DSCAML1: variants seen among roughly 807,000 people sequenced by gnomAD.
DSCAML1 encodes DS cell adhesion molecule like 1.
In DSCAML1, 38 loss-of-function variants were observed where a neutral mutation model predicts 200.5. The ratio of observed to expected loss-of-function variants is 0.19; its 90% CI spans 0.15 to 0.25. DSCAML1 has a LOEUF of 0.25. Among genes scored for constraint, DSCAML1 ranks in the 10% least tolerant of loss-of-function variants. The probability of loss-of-function intolerance (pLI) is 1.00; values close to 1 mark genes in which losing one functional copy is unlikely to be tolerated. For synonymous variants in DSCAML1, 1,215 were observed against 1,165.0 expected, an observed-to-expected ratio of 1.04 and a Z score of -0.87; for missense variants, 2,223 against 2,858.8, an observed-to-expected ratio of 0.78 and a Z score of 5.07.
chr11:117,592,865 C>T (rs535658431), intron 3 of DSCAML1, among the ~76,000 whole-genome samples: 2 of 152,354 alleles, frequency 1.3e-5, no homozygotes, highest in East Asian at 3.9e-4. Flanking sequence ...CTGCACTGAA[C>T]GCTGCCCCAG....
intron 3 of DSCAML1, among the ~76,000 whole-genome samples, chr11:117,758,645 G>T (rs566156184): frequency 6.3e-4 from 96 of 152,068 alleles, no homozygotes; most frequent in African/African-American, 2.2e-3. Flanking sequence ...CTCGTGATCC[G>T]CCCACCTCGG....
intron 3 of DSCAML1, among the ~76,000 whole-genome samples, chr11:117,736,943 G>A (rs939625503): frequency 1.3e-5 from 2 of 152,152 alleles, no homozygotes; most frequent in African/African-American, 4.8e-5. Context: ...TCTGTGAAGT[G>A]GGGGTAATGA....
intron 1 of DSCAML1, among the ~76,000 whole-genome samples, chr11:117,802,850 T>G (rs2055673884): frequency 6.6e-6 from 1 of 152,186 alleles, no homozygotes; most frequent in Non-Finnish European, 1.5e-5. Flanking sequence ...ATTATATAGA[T>G]GAAGACACAA....
intron 3 of DSCAML1, among the ~76,000 whole-genome samples, chr11:117,547,442 C>T (rs1180004172): frequency 2.0e-5 from 3 of 152,212 alleles, no homozygotes; most frequent in South Asian, 2.1e-4. Context: ...TTCTAAGGCG[C>T]GGCCCCACCC....
intron 3 of DSCAML1, among the ~76,000 whole-genome samples, chr11:117,757,186 G>A: frequency 6.6e-6 from 1 of 152,080 alleles, no homozygotes; most frequent in East Asian, 1.9e-4. Flanking sequence ...ACTTTGCCAA[G>A]GTACCTACAC....
chr11:117,747,124 C>G (rs1377054901), intron 3 of DSCAML1, among the ~76,000 whole-genome samples: 1 of 152,196 alleles, frequency 6.6e-6, no homozygotes, highest in African/African-American at 2.4e-5. Flanking sequence ...ACCGCCCTCT[C>G]CCTCCCTTGC....
rs58743801 is a variant in DSCAML1, at chr11:117,806,899, T to A, written c.-250+10491A>T. On this transcript the variant is annotated intron_variant, in intron 1 of 2. Transcript: ENST00000525836. ...AGTTGACTCATGGCCAGTTTTTTGT[T>A]TCATCTATGCTCCCCTCCCATCACC... is the stretch of plus-strand genomic sequence containing the variant. Among the ~76,000 whole-genome samples the A allele has an allele frequency of 6.3e-3, 953 of 152,370 alleles. 5 individuals carry two copies. The highest frequency in any genetic ancestry group is 0.021 in the African/African-American group (886 of 41,584).
rs555776217 is a variant in DSCAML1 at position 117,568,804 on chromosome 11, T to C, written c.512-36282A>G. Among the ~76,000 whole-genome samples, 553 of 152,234 alleles carry C rather than the reference T, an allele frequency of 3.6e-3. 4 individuals carry two copies. Among genetic ancestry groups the C allele is most frequent in the African/African-American group, 0.013 (532 of 41,544 alleles). On this transcript the variant is annotated intron_variant, in intron 3 of 32. Coordinates refer to ENST00000651296, the MANE Select transcript of DSCAML1 (RefSeq NM_020693.4). Reference sequence around the variant, plus strand: ...AAAATGGCCATACTGCCCAAGGTAATTTACAGATTCAATGCCATCACCATC... The same window carrying C: ...AAAATGGCCATACTGCCCAAGGTAACTTACAGATTCAATGCCATCACCATC...
intron 3 of DSCAML1, among the ~76,000 whole-genome samples, chr11:117,725,004 AAGGCT>A (rs2054100380): frequency 6.6e-6 from 1 of 152,170 alleles, no homozygotes; most frequent in African/African-American, 2.4e-5. Flanking sequence ...GACACCCCCA[AAGGCT>A]AGACTGGCAG....
At chr11:117,533,062 C>A (rs921151155) in intron 3 of DSCAML1, among the ~76,000 whole-genome samples, 2 of 152,034 alleles carry the variant, frequency 1.3e-5, no homozygotes, top group African/African-American at 4.8e-5. Flanking sequence ...ATTGCCTGAG[C>A]CCAGGAGGTC....
intron 3 of DSCAML1, among the ~76,000 whole-genome samples, chr11:117,636,009 G>A (rs941220323): frequency 6.6e-6 from 1 of 152,186 alleles, no homozygotes; most frequent in African/African-American, 2.4e-5. Flanking sequence ...ACTGAGCTGT[G>A]TTCAGAGGCA....
At chr11:117,700,733 G>A (rs761690073) in intron 3 of DSCAML1, among the ~76,000 whole-genome samples, 6 of 152,166 alleles carry the variant, frequency 3.9e-5, no homozygotes, top group African/African-American at 1.2e-4. Context: ...CCAGATTCTC[G>A]CCCCCACACA....
chr11:117,513,813 A>G (rs1355435216), intron 8 of DSCAML1, among the ~76,000 whole-genome samples: 2 of 151,398 alleles, frequency 1.3e-5, no homozygotes, highest in African/African-American at 4.9e-5. Flanking sequence ...ACTCCAACTC[A>G]GCCTAATGTC....
chr11:117,664,166 C>T lies in DSCAML1; in HGVS notation c.511+112625G>A, dbSNP rs532441715. On this transcript the variant is annotated intron_variant, in intron 3 of 32. Transcript: ENST00000651296. ...TCAGTCCAGAGAGGAATGGTGGCAG[C>T]GTTTCAGACAAACAGCTCAGGGGCC... is the stretch of plus-strand genomic sequence containing the variant. Among the ~76,000 whole-genome samples, 9 of 152,326 alleles carry T rather than the reference C, an allele frequency of 5.9e-5. No individual in the cohort carries two copies. In the South Asian group the frequency reaches 1.4e-3, roughly 25 times the overall value.
chr11:117,529,182 G>GC (rs1392416407), intron 4 of DSCAML1, among the ~76,000 whole-genome samples: 1 of 152,030 alleles, frequency 6.6e-6, no homozygotes, highest in African/African-American at 2.4e-5. Flanking sequence ...TGGTTCAAGC[G>GC]ATTCTTTGCC....
intron 3 of DSCAML1, among the ~76,000 whole-genome samples, chr11:117,571,330 T>C (rs760138289): frequency 6.6e-6 from 1 of 152,164 alleles, no homozygotes; most frequent in Non-Finnish European, 1.5e-5. Context: ...TAGAGGTAGG[T>C]ATTACTGTGC....
At chr11:117,543,417 G>A (rs546045866) in intron 3 of DSCAML1, among the ~76,000 whole-genome samples, 7 of 152,046 alleles carry the variant, frequency 4.6e-5, no homozygotes, top group Non-Finnish European at 8.8e-5. Flanking sequence ...CTGTGCTGGT[G>A]TGTGACCCTG....
At chr11:117,689,522 G>GA (rs939014685) in intron 3 of DSCAML1, among the ~76,000 whole-genome samples, 2 of 152,208 alleles carry the variant, frequency 1.3e-5, no homozygotes, top group African/African-American at 4.8e-5. Context: ...CGTGTTTCTG[G>GA]AAACTCCTTC....
intron 20 of DSCAML1, among the ~76,000 whole-genome samples, chr11:117,447,026 A>G (rs2048193370): frequency 6.6e-6 from 1 of 152,184 alleles, no homozygotes; most frequent in South Asian, 2.1e-4. Context: ...GTGGTGGCTC[A>G]TGCCTATAAT....
Sources: gnomAD v4.1 joint callset for allele counts (sites outside exome capture counted in the v4.1 genomes callset) on GRCh38, gnomAD v4.1.1 for gene constraint, MANE v1.5 for transcripts, NCBI Gene and HGNC (gene_info 2026-07-23, HGNC 2026-07-21) for gene names.